Variants in YEATS4 observed in about 807,000 individuals in gnomAD.
The protein encoded by YEATS4 is YEATS domain containing 4.
A neutral mutation model predicts 30.1 loss-of-function variants in YEATS4; 17 were observed. The ratio of observed to expected loss-of-function variants is 0.56; its 90% CI spans 0.39 to 0.85. The LOEUF is 0.85. Ranked by LOEUF, YEATS4 falls within the 40% of genes least tolerant of loss-of-function variation. The pLI is 0.00. For synonymous variants in YEATS4, 85 were observed against 87.5 expected (o/e 0.97, Z 0.16); for missense variants, 142 against 268.3 (o/e 0.53, Z 3.29).
At chr12:69,379,583 ATTTTTTTTTTTTTTTTTTTTTTTT>A (rs61048163) in intron 6 of YEATS4, among the ~76,000 whole-genome samples, 3,367 of 72,396 alleles carry the variant, frequency 0.047, 190 homozygotes, top group Admixed American at 0.1. Context: ...TGCCCAGCTA[ATTTTTTTTTTTTTTTTTTTTTTTT>A]TTTTTTTTTT....
the YEATS4 span, among the ~76,000 whole-genome samples, chr12:69,406,118 C>T: frequency 1.3e-5 from 2 of 152,138 alleles, no homozygotes; most frequent in Non-Finnish European, 2.9e-5. Flanking sequence ...CATATGTATG[C>T]ATTTCTATAG....
intron 6 of YEATS4, among the ~76,000 whole-genome samples, chr12:69,388,645 G>A (rs1490369304): frequency 6.6e-6 from 1 of 152,226 alleles, no homozygotes; most frequent in African/African-American, 2.4e-5. Context: ...TATTTAAATA[G>A]ATGTGTCCTG....
chr12:69,391,157 G>A (rs1160691942), downstream of YEATS4, among the ~76,000 whole-genome samples: 1 of 152,106 alleles, frequency 6.6e-6, no homozygotes, highest in Non-Finnish European at 1.5e-5. Flanking sequence ...AGCCAGGCAT[G>A]GTGGCACATG....
chr12:69,425,612 G>C, the YEATS4 span, among the ~76,000 whole-genome samples: 1 of 152,220 alleles, frequency 6.6e-6, no homozygotes, highest in African/African-American at 2.4e-5. Flanking sequence ...TCCAGATGCA[G>C]AGATAGCACT....
At chr12:69,391,870 A>G (rs183614079), downstream of YEATS4, among the ~76,000 whole-genome samples, 32 of 152,264 alleles carry the variant, frequency 2.1e-4, no homozygotes, top group Admixed American at 2.0e-3. Flanking sequence ...CCACGAATGT[A>G]TTGGTTCAAA....
the YEATS4 span, among the ~76,000 whole-genome samples, chr12:69,409,486 G>A: frequency 2.0e-4 from 31 of 152,076 alleles, no homozygotes; most frequent in Middle Eastern, 3.4e-3. Context: ...CCATGGTGGT[G>A]CACACTTGTA....
the YEATS4 span, among the ~76,000 whole-genome samples, chr12:69,421,083 C>T: frequency 6.6e-6 from 1 of 152,084 alleles, no homozygotes; most frequent in Non-Finnish European, 1.5e-5. Flanking sequence ...GTCTCAAACT[C>T]CTGGCTTCAA....
chr12:69,365,299 A>G (rs1875383889), intron 2 of YEATS4, among the ~76,000 whole-genome samples: 2 of 152,026 alleles, frequency 1.3e-5, no homozygotes, highest in South Asian at 4.1e-4. Context: ...AAAATACAAA[A>G]AATTAGCCAG....
At chr12:69,366,318 A>C (rs986643284) in intron 4 of YEATS4, among the ~76,000 whole-genome samples, 2 of 151,884 alleles carry the variant, frequency 1.3e-5, no homozygotes, top group African/African-American at 4.8e-5. Flanking sequence ...ATGAGTCTTT[A>C]TTTTTATAGC....
chr12:69,367,390 CAG>C (rs1875476304), intron 4 of YEATS4, among the ~76,000 whole-genome samples: 1 of 151,388 alleles, frequency 6.6e-6, no homozygotes, highest in African/African-American at 2.4e-5. Context: ...TCTTTTGAGA[CAG>C]AGTTACACTC....
rs186013935 is a variant in YEATS4, at chr12:69,364,705, C to T, written c.172-928C>T. Among the ~76,000 whole-genome samples the T allele has an allele frequency of 5.3e-4, 81 of 152,214 alleles. 1 individual carries two copies. The highest frequency in any genetic ancestry group is 4.8e-3 in the Admixed American group (74 of 15,280). On this transcript the variant is annotated intron_variant, in intron 2 of 6. Transcript: ENST00000247843. Reference sequence around the variant, plus strand: ...TGTGATCTCAGCTTATTGCAACCTCCGCCTCCTGGGTTTAAGTGATTCTCC... The same window carrying T: ...TGTGATCTCAGCTTATTGCAACCTCTGCCTCCTGGGTTTAAGTGATTCTCC...
rs1375867671 is a variant in YEATS4, at chr12:69,390,421, C to A, written c.*105C>A. 1.9e-6 allele frequency: 2 copies of A among 1,033,560 alleles called. No homozygotes were observed. Among genetic ancestry groups the A allele is most frequent in the South Asian group, 2.2e-5 (1 of 45,976 alleles). 64.0% of individuals were successfully genotyped at this position (1,033,560 alleles called of 1,614,324 possible). Reference sequence around the variant, plus strand: ...GCTGTGATGTTTCTTAGAGGAACTTCATATACAGCTGTTGACCATGAATTT... The same window carrying A: ...GCTGTGATGTTTCTTAGAGGAACTTAATATACAGCTGTTGACCATGAATTT... On this transcript the variant is annotated 3_prime_UTR_variant, in exon 7 of 7. Coordinates refer to ENST00000247843, the MANE Select transcript of YEATS4 (RefSeq NM_006530.4).
the YEATS4 span, among the ~76,000 whole-genome samples, chr12:69,410,879 A>G: frequency 1.3e-5 from 2 of 152,218 alleles, no homozygotes; most frequent in African/African-American, 2.4e-5. Flanking sequence ...TGCACCAATA[A>G]GGGACTTTGT....
chr12:69,395,100 G>C (rs1728894176), downstream of YEATS4, among the ~76,000 whole-genome samples: 1 of 149,140 alleles, frequency 6.7e-6, no homozygotes, highest in African/African-American at 2.6e-5. Flanking sequence ...TCTGCTAAAA[G>C]ACTGACTCAA....
At chr12:69,422,630 C>CAAAAAAAAAAAAAAAAAA in the YEATS4 span, 1 of 40,484 alleles carries the variant, frequency 2.5e-5, no homozygotes, top group Non-Finnish European at 4.6e-5. Context: ...GACCCTGTCT[C>CAAAAAAAAAAAAAAAAAA]AAAAAAAAAA....
intron 4 of YEATS4, among the ~76,000 whole-genome samples, chr12:69,369,205 A>T (rs747306247): frequency 3.4e-4 from 52 of 152,106 alleles, no homozygotes; most frequent in African/African-American, 1.3e-3. Context: ...TGTGCATCTC[A>T]TATATTTAAA....
the YEATS4 span, among the ~76,000 whole-genome samples, chr12:69,402,408 G>A: frequency 8.5e-5 from 13 of 152,144 alleles, no homozygotes; most frequent in African/African-American, 3.1e-4. Flanking sequence ...TATATAGTAT[G>A]CTTTTTGTTG....
chr12:69,375,351 C>T (rs1313861805), intron 6 of YEATS4, among the ~76,000 whole-genome samples: 2 of 149,990 alleles, frequency 1.3e-5, no homozygotes, highest in East Asian at 2.0e-4. Context: ...GATGGGCGGC[C>T]GGACAGAGAC....
intron 6 of YEATS4, among the ~76,000 whole-genome samples, chr12:69,381,526 G>A (rs1211321670): frequency 6.6e-6 from 1 of 152,188 alleles, no homozygotes; most frequent in Non-Finnish European, 1.5e-5. Context: ...AGCTTACAAA[G>A]ATGACGGGAT....
Sources: gnomAD v4.1 joint callset for allele counts (sites outside exome capture counted in the v4.1 genomes callset) on GRCh38, gnomAD v4.1.1 for gene constraint, MANE v1.5 for transcripts, NCBI Gene and HGNC (gene_info 2026-07-23, HGNC 2026-07-21) for gene names.